The following LRRC28 variants were observed in gnomAD, a reference collection of about 807,000 sequenced individuals.
The protein encoded by LRRC28 is leucine rich repeat containing 28.
In LRRC28, 39 loss-of-function variants were observed where a neutral mutation model predicts 45.7. The ratio of observed to expected loss-of-function variants is 0.85; its 90% CI spans 0.66 to 1.12. LRRC28 has a LOEUF of 1.12. Ranked by LOEUF, LRRC28 falls within the 50% of genes most tolerant of loss-of-function variation. The pLI is 0.00. For missense variants in LRRC28, 435 were observed against 438.5 expected, an observed-to-expected ratio of 0.99 and a Z score of 0.07; for synonymous variants, 206 against 178.8, an observed-to-expected ratio of 1.15 and a Z score of -1.22.
intron 5 of LRRC28, among the ~76,000 whole-genome samples, chr15:99,293,623 A>AAAAAAAAAAAAAAAAAAAAAAAAAAAAAC (rs2082189608): frequency 7.2e-6 from 1 of 139,246 alleles, no homozygotes; most frequent in Admixed American, 7.3e-5. Flanking sequence ...AAAAAAAAAA[A>AAAAAAAAAAAAAAAAAAAAAAAAAAAAAC]AAAAAAAAAA....
chr15:99,285,849 T>G (rs2081945100), intron 3 of LRRC28: 1 of 384,738 alleles, frequency 2.6e-6, no homozygotes, highest in Non-Finnish European at 5.0e-6. Context: ...TATTCCTTCC[T>G]AAAATTAATG....
chr15:99,327,571 T>C (rs911223559), intron 5 of LRRC28, among the ~76,000 whole-genome samples: 6 of 152,190 alleles, frequency 3.9e-5, no homozygotes, highest in South Asian at 4.1e-4. Flanking sequence ...TTCCTAGTTT[T>C]CCTAATTCAA....
intron 9 of LRRC28, among the ~76,000 whole-genome samples, chr15:99,368,166 A>G (rs1307036756): frequency 1.3e-5 from 2 of 152,166 alleles, no homozygotes; most frequent in Admixed American, 1.3e-4. Flanking sequence ...AGAAAGTCCT[A>G]AATCTATTTC....
intron 9 of LRRC28, among the ~76,000 whole-genome samples, chr15:99,373,675 A>T (rs1173177696): frequency 2.6e-5 from 4 of 152,168 alleles, no homozygotes; most frequent in Non-Finnish European, 4.4e-5. Flanking sequence ...TTAATTTTTT[A>T]AAATTAGAGG....
intron 6 of LRRC28, among the ~76,000 whole-genome samples, chr15:99,343,410 T>G (rs183588622): frequency 1.3e-5 from 2 of 152,362 alleles, no homozygotes; most frequent in East Asian, 3.9e-4. Context: ...TTCAGCCATG[T>G]GGACTGTGTA....
chr15:99,259,267 T>G, intron 2 of LRRC28: 1 of 1,070,576 alleles, frequency 9.3e-7, no homozygotes, highest in Non-Finnish European at 1.5e-6. Context: ...AGGCTGAATC[T>G]TCTCCATTTG....
intron 6 of LRRC28, among the ~76,000 whole-genome samples, chr15:99,339,183 C>T (rs140000392): frequency 3.9e-5 from 6 of 152,166 alleles, no homozygotes; most frequent in Non-Finnish European, 7.4e-5. Context: ...TTTAACCATG[C>T]GCTTCTGGTT....
At chr15:99,262,474 C>T (rs977826517) in intron 2 of LRRC28, among the ~76,000 whole-genome samples, 13 of 152,046 alleles carry the variant, frequency 8.6e-5, no homozygotes, top group Admixed American at 2.6e-4. Flanking sequence ...CCCAGCTACT[C>T]GGGAGGCTGA....
intron 5 of LRRC28, among the ~76,000 whole-genome samples, chr15:99,312,053 T>C (rs1056569629): frequency 6.6e-6 from 1 of 152,088 alleles, no homozygotes; most frequent in Admixed American, 6.6e-5. Context: ...GAATTATAGC[T>C]AAAAAATTAA....
At chr15:99,371,864 A>T (rs1217598265) in intron 9 of LRRC28, among the ~76,000 whole-genome samples, 2 of 152,128 alleles carry the variant, frequency 1.3e-5, no homozygotes, top group African/African-American at 4.8e-5. Context: ...TTCTGCTTTG[A>T]CCCCACCACC....
intron 2 of LRRC28, among the ~76,000 whole-genome samples, chr15:99,268,910 G>A (rs1372008742): frequency 2.0e-5 from 3 of 152,196 alleles, no homozygotes; most frequent in East Asian, 1.9e-4. Flanking sequence ...CCTTGTTTCC[G>A]ACATTTACAT....
chr15:99,318,062 G>T (rs552394549), intron 5 of LRRC28, among the ~76,000 whole-genome samples: 9 of 152,178 alleles, frequency 5.9e-5, no homozygotes, highest in South Asian at 2.1e-4. Flanking sequence ...GAAGAAATAC[G>T]TTTTTATGTG....
chr15:99,389,991 A>C lies in LRRC28; in HGVS notation c.*3889A>C, dbSNP rs1352689555. On this transcript the variant is annotated 3_prime_UTR_variant, in exon 10 of 10. Coordinates refer to ENST00000301981, the MANE Select transcript of LRRC28 (RefSeq NM_144598.5). The stretch of plus-strand genomic sequence containing the variant: ...AAATTAGCCAGGCGTGGTGGCGCGC[A>C]CCTGCAGTCCCAGCTACTCGGGAGG... The C allele has an allele frequency of 6.6e-6, 1 of 152,346 alleles. No individual in the cohort carries two copies. Among genetic ancestry groups the C allele is most frequent in the Non-Finnish European group, 1.5e-5 (1 of 68,302 alleles). 9.4% of individuals were successfully genotyped at this position (152,346 alleles called of 1,614,324 possible).
At chr15:99,346,492 A>G (rs1267238561) in intron 6 of LRRC28, among the ~76,000 whole-genome samples, 1 of 152,244 alleles carries the variant, frequency 6.6e-6, no homozygotes, top group Admixed American at 6.5e-5. Flanking sequence ...TGGTAAACAA[A>G]ATAGCAAAAA....
intron 1 of LRRC28, among the ~76,000 whole-genome samples, chr15:99,254,053 T>G (rs1202374844): frequency 2.6e-5 from 4 of 152,252 alleles, no homozygotes; most frequent in Non-Finnish European, 4.4e-5. Context: ...TTGAGATGGT[T>G]GTGAGACATC....
chr15:99,354,708 C>A (rs115622567), intron 7 of LRRC28, among the ~76,000 whole-genome samples: 1 of 152,266 alleles, frequency 6.6e-6, no homozygotes, highest in African/African-American at 2.4e-5. Flanking sequence ...GTCAAGCAAA[C>A]CCTAAATAAT....
chr15:99,295,502 G>A (rs1478589062), intron 5 of LRRC28, among the ~76,000 whole-genome samples: 2 of 152,106 alleles, frequency 1.3e-5, no homozygotes, highest in African/African-American at 4.8e-5. Context: ...AAGTCCAATG[G>A]ATGTTTGAGG....
At chr15:99,347,354 T>C (rs907012382) in intron 6 of LRRC28, among the ~76,000 whole-genome samples, 11 of 152,168 alleles carry the variant, frequency 7.2e-5, no homozygotes, top group Middle Eastern at 6.8e-3. Flanking sequence ...GGACTACAGG[T>C]GCCCGCACCA....
chr15:99,280,121 C>G (rs188227829), intron 3 of LRRC28, among the ~76,000 whole-genome samples: 24 of 151,864 alleles, frequency 1.6e-4, no homozygotes, highest in Admixed American at 1.3e-4. Flanking sequence ...TGGTGAAATG[C>G]CTGTCCATGT....
Sources: gnomAD v4.1 joint callset for allele counts (sites outside exome capture counted in the v4.1 genomes callset) on GRCh38, gnomAD v4.1.1 for gene constraint, MANE v1.5 for transcripts, NCBI Gene and HGNC (gene_info 2026-07-23, HGNC 2026-07-21) for gene names.